SAFB2: variants seen among roughly 807,000 people sequenced by gnomAD.
SAFB2 encodes scaffold attachment factor B2.
Under a neutral mutation model 100.6 loss-of-function variants are expected in SAFB2, and 32 were observed. The ratio of observed to expected loss-of-function variants is 0.32; its 90% confidence interval spans 0.24 to 0.43. SAFB2 has a LOEUF of 0.43. SAFB2 is among the 20% of genes least tolerant of loss of function. SAFB2 has a pLI of 1.00. For missense variants in SAFB2, 1,185 were observed against 1,163.4 expected (o/e 1.02, Z -0.27); for synonymous variants, 500 against 439.4 (o/e 1.14, Z -1.72).
chr19:5,622,390 G>A, intron 1 of SAFB2, 140 bp downstream of exon 1: 2 of 753,322 alleles, frequency 2.7e-6, no homozygotes, highest in Admixed American at 3.7e-5. Flanking sequence ...CGGCCCCCTG[G>A]GTGCCCGACA....
At chr19:5,589,453 G>A (rs184254698) in intron 18 of SAFB2, among the ~76,000 whole-genome samples, 2 of 152,140 alleles carry the variant, frequency 1.3e-5, no homozygotes, top group Admixed American at 6.5e-5. Context: ...GGGGAGCACA[G>A]GGGGCCAAAA....
intron 2 of SAFB2, 152 bp from the exon 3 acceptor site, chr19:5,616,638 GTTTTCTT>G: frequency 6.9e-6 from 1 of 144,356 alleles, no homozygotes; most frequent in Non-Finnish European, 1.3e-5. Context: ...GTCTCAATTT[GTTTTCTT>G]TTTTTTTTTT....
intron 2 of SAFB2, among the ~76,000 whole-genome samples, chr19:5,618,349 G>A (rs1021007566): frequency 4.6e-5 from 7 of 151,916 alleles, no homozygotes; most frequent in Non-Finnish European, 7.4e-5. Context: ...GCAACAGAGC[G>A]AGACTCCGTC....
At chr19:5,614,766 CTA>C (rs2145356480) in intron 4 of SAFB2, among the ~76,000 whole-genome samples, 1 of 152,318 alleles carries the variant, frequency 6.6e-6, no homozygotes, top group African/African-American at 2.4e-5. Context: ...CGCCAAAACA[CTA>C]GAAGTGAAAA....
intron 8 of SAFB2, 72 bp downstream of exon 8, chr19:5,610,567 A>G (rs1304758086): frequency 1.7e-5 from 18 of 1,080,976 alleles, no homozygotes; most frequent in Admixed American, 2.2e-5. Context: ...CAAAGTGTGT[A>G]TATCTCCAGG....
intron 18 of SAFB2, among the ~76,000 whole-genome samples, chr19:5,589,482 G>GCAGGGTCCGAGGCAGCCCTGGGC (rs2052341004): frequency 1.3e-5 from 2 of 152,148 alleles, no homozygotes; most frequent in South Asian, 4.2e-4. Flanking sequence ...GTGGCGCTGG[G>GCAGGGTCCGAGGCAGCCCTGGGC]CAGGGTCCGA....
chr19:5,587,236 G>A lies in SAFB2; in HGVS notation c.*7C>T. On this transcript the variant is annotated 3_prime_UTR_variant, in exon 21 of 21. Transcript: ENST00000252542. The surrounding 1 kb of genome is among the most constrained non-coding windows in gnomAD (Gnocchi z 4.9). Reference sequence around the variant, plus strand: ...CTGCCCACCCGAAAACTCGCAGCGAGTGGGACTTAGTAGCGGCGGGTGAAG... The same window carrying A: ...CTGCCCACCCGAAAACTCGCAGCGAATGGGACTTAGTAGCGGCGGGTGAAG... 1 of 1,613,032 alleles carries A rather than the reference G, an allele frequency of 6.2e-7. No homozygotes were observed. The highest frequency in any genetic ancestry group is 1.3e-5 in the African/African-American group (1 of 75,010).
At position 5,610,660 on chromosome 19, in the gene SAFB2, G is replaced by T; in HGVS notation, c.1174C>A (p.Pro392Thr). The change falls in exon 8 of 21, where the codon CCA becomes ACA. Residue 392 changes from proline (P) to threonine (T), a missense_variant. Around this residue, in one of 3 missense-constraint regions of SAFB2, gnomAD observed 351 missense variants for 341.2 expected, o/e 1.03. Transcript: ENST00000252542. ...ATACCTTTTTCATCTTTAATGATTGGCTTTATATCTTTTTCTTCCTTAAAA... is the reference window on the plus strand; with the variant it reads ...ATACCTTTTTCATCTTTAATGATTGTCTTTATATCTTTTTCTTCCTTAAAA... ...SSFKEEKDIKPIIKDEKGRVG... is the reference protein window; with the variant it reads ...SSFKEEKDIKTIIKDEKGRVG... 1 of 1,572,070 alleles carries T rather than the reference G, an allele frequency of 6.4e-7. No homozygotes were observed. The highest frequency in any genetic ancestry group is 8.7e-7 in the Non-Finnish European group (1 of 1,148,120).
intron 13 of SAFB2, chr19:5,598,535 G>A (rs569262831): frequency 5.4e-5 from 27 of 504,110 alleles, no homozygotes; most frequent in African/African-American, 3.3e-4. Context: ...GTGAGCTGCC[G>A]TGTGAACCAA....
chr19:5,612,830 C>T (rs1039879111), intron 5 of SAFB2, among the ~76,000 whole-genome samples: 7 of 152,342 alleles, frequency 4.6e-5, no homozygotes, highest in South Asian at 2.1e-4. Context: ...ATGCCACCCA[C>T]CCCATGACCA....
Position 5,594,087 on chromosome 19 carries a change from C to T in SAFB2, c.2011G>A (p.Glu671Lys), listed in dbSNP as rs745320920. The change falls in exon 15 of 21, where the codon GAG becomes AAG. Residue 671 changes from glutamate to lysine, a missense_variant. Glu to Lys is a moderately conservative substitution (Grantham distance 56). Transcript: ENST00000252542. ...CGCTCCAGCCGCTGGCGCTGGCACTCGAGCTGCAGGCGTTCCCGCTGTAGC... is the reference window on the plus strand; with the variant it reads ...CGCTCCAGCCGCTGGCGCTGGCACTTGAGCTGCAGGCGTTCCCGCTGTAGC... ...ARLQRERLQLECQRQRLERER... is the reference protein window; with the variant it reads ...ARLQRERLQLKCQRQRLERER... The T allele has an allele frequency of 6.3e-7, 1 of 1,597,582 alleles. No homozygotes were observed. Among genetic ancestry groups the T allele is most frequent in the Non-Finnish European group, 8.5e-7 (1 of 1,176,770 alleles).
Position 5,613,521 on chromosome 19 carries a change from C to G in SAFB2, c.550G>C (p.Gly184Arg). The G allele has an allele frequency of 1.2e-6, 2 of 1,613,904 alleles. No individual in the cohort carries two copies. The highest frequency in any genetic ancestry group is 1.7e-6 in the Non-Finnish European group (2 of 1,179,876). Residue 184 changes from glycine to arginine, a missense_variant, in exon 5 of 21, where the codon GGG (glycine) becomes CGG (arginine). Coordinates refer to ENST00000252542, the MANE Select transcript of SAFB2 (RefSeq NM_014649.3). The part of the protein sequence containing the change: ...PAQPPEHAVD[G>R]EGFKNTLETS... ...TCCAAAGTGTTCTTAAATCCTTCCC[C>G]ATCCACCTGAAAAACAAAATGGAAG...
At chr19:5,621,520 A>G in intron 1 of SAFB2, 124 bp from the exon 2 acceptor site, 1 of 724,040 alleles carries the variant, frequency 1.4e-6, no homozygotes, top group South Asian at 1.5e-5. Flanking sequence ...ACTCCGGGTC[A>G]GCTATCTGGG....
intron 18 of SAFB2, 123 bp downstream of exon 18, chr19:5,590,155 C>T: frequency 1.1e-6 from 1 of 871,750 alleles, no homozygotes; most frequent in Non-Finnish European, 1.6e-6. Flanking sequence ...TGGCAGGACC[C>T]CTGGTAGCCC....
chr19:5,590,211 G>T, intron 18 of SAFB2, 67 bp downstream of exon 18: 2 of 1,359,666 alleles, frequency 1.5e-6, no homozygotes. Context: ...GACGTGCCTG[G>T]CCAGGCACCA....
At position 5,599,009 on chromosome 19, in the gene SAFB2, C is replaced by G. The variant is rs147617343; in HGVS notation, c.1691-125G>C. 4.5e-3 allele frequency: 3,421 copies of G among 761,810 alleles called. 39 individuals are homozygous for G. Among genetic ancestry groups the G allele is most frequent in the Non-Finnish European group, 4.8e-3 (2,183 of 452,380 alleles). 47.2% of individuals were successfully genotyped at this position (761,810 alleles called of 1,614,324 possible). A position where few individuals can be genotyped will look rare whatever the true frequency, so the allele number is the denominator to read the frequency against. On this transcript the variant is annotated intron_variant, in intron 12 of 20. Coordinates refer to ENST00000252542, the MANE Select transcript of SAFB2 (RefSeq NM_014649.3). The stretch of plus-strand genomic sequence containing the variant: ...GCGTGAGTCAAGTGACTGACACTAG[C>G]CTTGGGAGCCTCTAATTCTCATCTA...
Position 5,613,446 on chromosome 19 carries a change from G to A in SAFB2, c.606+19C>T. 1 of 1,605,196 alleles carries A rather than the reference G, an allele frequency of 6.2e-7. No homozygotes were observed. Among genetic ancestry groups the A allele is most frequent in the Non-Finnish European group, 8.5e-7 (1 of 1,172,506 alleles). The stretch of plus-strand genomic sequence containing the variant: ...CTCGATTAACATTTCCAGCGATGCA[G>A]AACCAGATGGTAACTTACCGGAGTT... On this transcript the variant is annotated intron_variant, in intron 5 of 20. Coordinates refer to ENST00000252542, the MANE Select transcript of SAFB2 (RefSeq NM_014649.3).
chr19:5,616,528 C>T, intron 2 of SAFB2, 42 bp from the exon 3 acceptor site: 1 of 1,517,470 alleles, frequency 6.6e-7, no homozygotes, highest in Non-Finnish European at 9.1e-7. Flanking sequence ...CACTCAAGTT[C>T]TACCTCATAA....
At chr19:5,617,702 A>G (rs2053061722) in intron 2 of SAFB2, among the ~76,000 whole-genome samples, 2 of 152,200 alleles carry the variant, frequency 1.3e-5, no homozygotes, top group Admixed American at 1.3e-4. Flanking sequence ...ACGACCCTGC[A>G]ATGCACAGGA....
Sources: allele counts gnomAD v4.1 joint callset (sites outside exome capture counted in the v4.1 genomes callset), GRCh38; gene constraint gnomAD v4.1.1; regional missense constraint gnomAD v4.1.1; non-coding constraint Gnocchi (gnomAD v3.1); transcripts MANE v1.5; gene names NCBI Gene and HGNC (gene_info 2026-07-23, HGNC 2026-07-21).